Variants in CHIC1 observed in about 807,000 individuals in gnomAD.
The protein encoded by CHIC1 is cysteine-rich hydrophobic domain-containing protein 1.
A neutral mutation model predicts 18.5 loss-of-function variants in CHIC1; 7 were observed. That is an observed-to-expected ratio of 0.38 (90% CI 0.22 to 0.71). The LOEUF (loss-of-function observed/expected upper bound fraction) is 0.71. CHIC1 is among the 30% of genes least tolerant of loss of function. The probability of loss-of-function intolerance (pLI) is 0.49; values close to 1 mark genes in which losing one functional copy is unlikely to be tolerated. For synonymous variants in CHIC1, 77 were observed against 73.5 expected (o/e 1.05, Z -0.25); for missense variants, 159 against 176.9 (o/e 0.90, Z 0.57).
intron 3 of CHIC1, among the ~76,000 whole-genome samples, chrX:73,671,595 C>A (rs1042467873): frequency 9.0e-6 from 1 of 111,191 alleles, no homozygotes; most frequent in Non-Finnish European, 1.9e-5. Flanking sequence ...TCATTGAATT[C>A]TTCAGTTCTA....
chrX:73,638,539 T>A (rs2057840890), intron 3 of CHIC1, among the ~76,000 whole-genome samples: 1 of 110,712 alleles, frequency 9.0e-6, no homozygotes, highest in Non-Finnish European at 1.9e-5. Context: ...AAAAAAAAAA[T>A]ATTTTAGGTT....
chrX:73,572,257 TC>T (rs2057474358), intron 1 of CHIC1, among the ~76,000 whole-genome samples: 1 of 111,419 alleles, frequency 9.0e-6, no homozygotes, highest in Non-Finnish European at 1.9e-5. Context: ...AATAATGGCC[TC>T]CAGCTGCATC....
chrX:73,632,550 A>AT (rs200717093), intron 3 of CHIC1, among the ~76,000 whole-genome samples: 68 of 105,934 alleles, frequency 6.4e-4, no homozygotes, highest in Non-Finnish European at 1.8e-4. Context: ...TCATTTGTTG[A>AT]TTTTTTTTCC....
Position 73,609,560 on chromosome X carries a change from C to A in CHIC1, c.507+24988C>A, listed in dbSNP as rs756013869. ...GCATCTACAGTGACACACCATCACACCTGGCTAATGTTTTCTTTTAAAATA... is the reference window on the plus strand; with the variant it reads ...GCATCTACAGTGACACACCATCACAACTGGCTAATGTTTTCTTTTAAAATA... On this transcript the variant is annotated intron_variant, in intron 3 of 5. Coordinates refer to ENST00000373502, the MANE Select transcript of CHIC1 (RefSeq NM_001039840.4). Among the ~76,000 whole-genome samples, 55 of 109,411 alleles carry A rather than the reference C, an allele frequency of 5.0e-4. 5 individuals carry two copies. The highest frequency in any genetic ancestry group is 1.9e-3 in the African/African-American group (54 of 28,320).
chrX:73,607,824 G>A (rs894074766), intron 3 of CHIC1, among the ~76,000 whole-genome samples: 3 of 107,768 alleles, frequency 2.8e-5, no homozygotes, highest in Non-Finnish European at 1.9e-5. Flanking sequence ...TGCACCCACT[G>A]TCTAACCAGT....
rs766154742 is a variant in CHIC1 at position 73,645,080 on chromosome X, A to G, written c.508-34246A>G. On this transcript the variant is annotated intron_variant, in intron 3 of 5. Transcript: ENST00000373502. ...CTGCGTCGCTCACGCTGGGAGCTGT[A>G]GACCAGAGCTGTTCCTATTCGGCCA... Among the ~76,000 whole-genome samples the G allele has an allele frequency of 2.7e-5, 3 of 112,497 alleles. No individual in the cohort carries two copies. In the South Asian group the frequency reaches 1.1e-3, roughly 42 times the overall value.
chrX:73,644,282 C>T (rs2057875417), intron 3 of CHIC1, among the ~76,000 whole-genome samples: 1 of 112,133 alleles, frequency 8.9e-6, no homozygotes, highest in African/African-American at 3.2e-5. Context: ...TGTGAGGTGT[C>T]AGTCTGCCCC....
chrX:73,579,709 T>C (rs1401408781), intron 2 of CHIC1, among the ~76,000 whole-genome samples: 3 of 110,749 alleles, frequency 2.7e-5, no homozygotes, highest in African/African-American at 9.8e-5. Flanking sequence ...GCTCACTCTT[T>C]AGTACGTTCT....
chrX:73,598,578 G>T (rs1304721949), intron 3 of CHIC1, among the ~76,000 whole-genome samples: 4 of 102,487 alleles, frequency 3.9e-5, no homozygotes, highest in Admixed American at 3.3e-4. Flanking sequence ...GAGAATATGT[G>T]GTGTTTGGCT....
chrX:73,604,842 T>C (rs2057671417), intron 3 of CHIC1, among the ~76,000 whole-genome samples: 1 of 109,601 alleles, frequency 9.1e-6, no homozygotes, highest in South Asian at 3.6e-4. Context: ...TCCTAAGTTC[T>C]AATTTGATTG....
intron 1 of CHIC1, among the ~76,000 whole-genome samples, chrX:73,575,209 G>A (rs2057491297): frequency 9.1e-6 from 1 of 110,094 alleles, no homozygotes; most frequent in Non-Finnish European, 1.9e-5. Context: ...GGTCAACATT[G>A]GAGTTTTGGT....
chrX:73,613,126 G>A (rs1471069890), intron 3 of CHIC1, among the ~76,000 whole-genome samples: 1 of 111,980 alleles, frequency 8.9e-6, no homozygotes, highest in African/African-American at 3.2e-5. Flanking sequence ...ATGTATGTAT[G>A]TATGTATAGT....
chrX:73,575,992 T>A (rs1175120391), intron 1 of CHIC1, among the ~76,000 whole-genome samples: 1 of 109,731 alleles, frequency 9.1e-6, no homozygotes, highest in Non-Finnish European at 1.9e-5. Flanking sequence ...TTTTTAAACT[T>A]TTTTGTTAAA....
At position 73,613,249 on chromosome X, in the gene CHIC1, C is replaced by A. The variant is rs765225758; in HGVS notation, c.507+28677C>A. 1.8e-4 allele frequency among the ~76,000 whole-genome samples: 20 copies of A among 111,206 alleles called. No individual in the cohort carries two copies. In the South Asian group the frequency reaches 5.3e-3, roughly 30 times the overall value. On this transcript the variant is annotated intron_variant, in intron 3 of 5. Coordinates refer to ENST00000373502, the MANE Select transcript of CHIC1 (RefSeq NM_001039840.4). ...TATAGTTGGTTCTATAATTTGATTTCTTTGTTTCCTCCAAATCTCATGTTG... is the reference window on the plus strand; with the variant it reads ...TATAGTTGGTTCTATAATTTGATTTATTTGTTTCCTCCAAATCTCATGTTG...
At chrX:73,603,361 A>G (rs948629337) in intron 3 of CHIC1, among the ~76,000 whole-genome samples, 2 of 108,298 alleles carry the variant, frequency 1.8e-5, no homozygotes, top group Non-Finnish European at 3.8e-5. Context: ...GTATCCTGAG[A>G]CCTTGCTGAA....
chrX:73,675,469 C>A (rs903907443), intron 3 of CHIC1, among the ~76,000 whole-genome samples: 1 of 111,639 alleles, frequency 9.0e-6, no homozygotes, highest in African/African-American at 3.3e-5. Context: ...TGAATTGATC[C>A]CTTTCCCATA....
intron 3 of CHIC1, among the ~76,000 whole-genome samples, chrX:73,678,549 G>T (rs938942122): frequency 8.9e-6 from 1 of 112,000 alleles, no homozygotes; most frequent in African/African-American, 3.2e-5. Context: ...TGGGCCAGTG[G>T]GTGGGTCCAT....
Position 73,682,865 on chromosome X carries a change from A to T in CHIC1, c.*1860A>T, listed in dbSNP as rs2058104756. On this transcript the variant is annotated 3_prime_UTR_variant, in exon 6 of 6. Transcript: ENST00000373502. ...TGTAGCTAAGGTCGGGAAAAATTGT[A>T]TCTGAGGTTTATGTTCCAGCTAATG... 8.9e-6 allele frequency: 1 copy of T among 111,771 alleles called. No individual in the cohort carries two copies. Among genetic ancestry groups the T allele is most frequent in the Non-Finnish European group, 1.9e-5 (1 of 52,808 alleles). The allele number at this position is 111,771 out of a possible 1,213,427, so 9.2% of individuals were successfully genotyped here. A position where few individuals can be genotyped will look rare whatever the true frequency, so the allele number is the denominator to read the frequency against.
At chrX:73,659,571 A>G (rs1333586709) in intron 3 of CHIC1, among the ~76,000 whole-genome samples, 1 of 110,225 alleles carries the variant, frequency 9.1e-6, no homozygotes, top group Non-Finnish European at 1.9e-5. Flanking sequence ...ATACCATGAC[A>G]CTTGCAATTT....
Sources: allele counts gnomAD v4.1 joint callset (sites outside exome capture counted in the v4.1 genomes callset), GRCh38; gene constraint gnomAD v4.1.1; transcripts MANE v1.5; gene names NCBI Gene and HGNC (gene_info 2026-07-23, HGNC 2026-07-21).